Variants in CDH13 observed in about 807,000 individuals in gnomAD.
CDH13 encodes cadherin 13, also known as cadherin-13.
CDH13 carries 24 observed loss-of-function variants against 63.8 expected under a neutral mutation model. That is an observed-to-expected ratio of 0.38 (90% CI 0.27 to 0.53). The LOEUF (loss-of-function observed/expected upper bound fraction) is 0.53, where lower values mean the gene tolerates loss of function less well. Ranked by LOEUF, CDH13 falls within the 20% of genes least tolerant of loss-of-function variation. CDH13 has a pLI of 0.85. For synonymous variants in CDH13, 503 were observed against 355.3 expected, an observed-to-expected ratio of 1.42 and a Z score of -4.67; for missense variants, 1,049 against 903.1, an observed-to-expected ratio of 1.16 and a Z score of -2.07.
intron 4 of CDH13, among the ~76,000 whole-genome samples, chr16:83,208,476 T>C (rs2039244454): frequency 6.6e-6 from 1 of 152,184 alleles, no homozygotes. Flanking sequence ...CAGTGTTTTT[T>C]TTTTTCCTAT....
At chr16:83,383,432 T>G (rs769223028) in intron 6 of CDH13, among the ~76,000 whole-genome samples, 5 of 152,126 alleles carry the variant, frequency 3.3e-5, no homozygotes, top group Non-Finnish European at 7.4e-5. Context: ...AGACCTCAAC[T>G]CACAAGCCTT....
chr16:83,387,490 G>A (rs1291712223), intron 6 of CDH13, among the ~76,000 whole-genome samples: 3 of 152,200 alleles, frequency 2.0e-5, no homozygotes, highest in African/African-American at 7.2e-5. Flanking sequence ...ATTATACACA[G>A]AGGATTGTCA....
At chr16:82,855,028 C>G (rs1477652462) in intron 1 of CDH13, among the ~76,000 whole-genome samples, 1 of 152,162 alleles carries the variant, frequency 6.6e-6, no homozygotes, top group Admixed American at 6.5e-5. Flanking sequence ...CACTAAGTCA[C>G]CCATGGCCCA....
In CDH13 at chr16:82,960,309, G is replaced by C. The variant is rs181971437; in HGVS notation, c.158-71701G>C. On this transcript the variant is annotated intron_variant, in intron 2 of 13. Coordinates refer to ENST00000567109, the MANE Select transcript of CDH13 (RefSeq NM_001257.5). ...AAATTGGGAGAAAAGATTCAAGGAG[G>C]ATTTCTGTGCTTTGGGCTTGAGGAT... Among the ~76,000 whole-genome samples, 258 of 152,254 alleles carry C rather than the reference G, an allele frequency of 1.7e-3. 1 individual carries two copies. The highest frequency in any genetic ancestry group is 3.4e-3 in the Middle Eastern group (1 of 294).
chr16:83,030,868 A>G lies in CDH13; in HGVS notation c.158-1142A>G, dbSNP rs181778047. ...CACCCTTCCCTTCTAGATCCCCACCATTCTAGATTCCCACCATCCCTGCCC... is the reference window on the plus strand; with the variant it reads ...CACCCTTCCCTTCTAGATCCCCACCGTTCTAGATTCCCACCATCCCTGCCC... On this transcript the variant is annotated intron_variant, in intron 2 of 13. Coordinates refer to ENST00000567109, the MANE Select transcript of CDH13 (RefSeq NM_001257.5). 3.0e-3 allele frequency among the ~76,000 whole-genome samples: 456 copies of G among 151,826 alleles called. 2 individuals are homozygous for G. The highest frequency in any genetic ancestry group is 0.019 in the South Asian group (89 of 4,788).
chr16:83,145,350 A>G, intron 4 of CDH13, among the ~76,000 whole-genome samples: 1 of 152,342 alleles, frequency 6.6e-6, no homozygotes. Flanking sequence ...TGACTCTGCC[A>G]AGCTTAATGA....
At chr16:83,010,885 C>G (rs191124882) in intron 2 of CDH13, among the ~76,000 whole-genome samples, 15 of 152,118 alleles carry the variant, frequency 9.9e-5, no homozygotes, top group Non-Finnish European at 1.8e-4. Context: ...TTCTTTAAGG[C>G]GAAACTTAAA....
intron 2 of CDH13, among the ~76,000 whole-genome samples, chr16:82,865,444 G>T (rs532129594): frequency 7.2e-5 from 11 of 152,208 alleles, no homozygotes; most frequent in Non-Finnish European, 1.3e-4. Context: ...CTCAATTCTT[G>T]ACTTCCGTGC....
At chr16:83,137,639 G>C (rs1014760974) in intron 4 of CDH13, among the ~76,000 whole-genome samples, 2 of 152,156 alleles carry the variant, frequency 1.3e-5, no homozygotes, top group African/African-American at 4.8e-5. Context: ...AGCAGAAAAA[G>C]CCAACTTCGG....
At chr16:83,344,825 A>G (rs1483366239) in intron 5 of CDH13, 37 bp from the exon 6 acceptor site, 2 of 1,608,482 alleles carry the variant, frequency 1.2e-6, no homozygotes, top group African/African-American at 1.3e-5. Context: ...TAATGAATTA[A>G]TATCTTCTTT....
rs376227135 is a variant in CDH13 at position 83,223,925 on chromosome 16, G to A, written c.636+6428G>A. On this transcript the variant is annotated intron_variant, in intron 5 of 13. Transcript: ENST00000567109. ...TAGTGGTGGTTTGTAAGATTTTGCT[G>A]CACCCATCACACGAGCAGTATACAC... 3.7e-4 allele frequency among the ~76,000 whole-genome samples: 57 copies of A among 152,192 alleles called. 3 individuals are homozygous for A. Among genetic ancestry groups the A allele is most frequent in the African/African-American group, 1.3e-3 (54 of 41,504 alleles).
chr16:83,684,026 C>G (rs1380516559), intron 10 of CDH13, among the ~76,000 whole-genome samples: 3 of 152,120 alleles, frequency 2.0e-5, no homozygotes, highest in African/African-American at 7.2e-5. Flanking sequence ...TGATGATATT[C>G]GAGTATCTCT....
intron 3 of CDH13, among the ~76,000 whole-genome samples, chr16:83,105,030 G>C (rs79569167): frequency 0.014 from 2,051 of 151,900 alleles, 37 homozygotes; most frequent in African/African-American, 0.045. Context: ...TTTAAGTTCC[G>C]GGGTACACGC....
chr16:82,666,715 G>A (rs1346081172), intron 1 of CDH13, among the ~76,000 whole-genome samples: 2 of 152,202 alleles, frequency 1.3e-5, no homozygotes, highest in African/African-American at 2.4e-5. Context: ...CAATGTAAAG[G>A]TAGTCCTGTT....
At chr16:83,202,895 G>T (rs1320428858) in intron 4 of CDH13, among the ~76,000 whole-genome samples, 2 of 152,162 alleles carry the variant, frequency 1.3e-5, no homozygotes, top group Admixed American at 1.3e-4. Flanking sequence ...GAAGACTCCA[G>T]AAGTGGGGAG....
intron 11 of CDH13, among the ~76,000 whole-genome samples, chr16:83,756,291 A>C (rs1217011453): frequency 6.6e-6 from 1 of 152,264 alleles, no homozygotes; most frequent in Non-Finnish European, 1.5e-5. Context: ...TAAATATTTC[A>C]AGTAATATTA....
intron 3 of CDH13, among the ~76,000 whole-genome samples, chr16:83,117,835 T>C (rs998644532): frequency 6.6e-6 from 1 of 151,320 alleles, no homozygotes; most frequent in African/African-American, 2.4e-5. Context: ...TTATTTCTGA[T>C]ATGTGTTCTT....
chr16:82,961,682 A>C (rs112193909), intron 2 of CDH13, among the ~76,000 whole-genome samples: 14 of 151,934 alleles, frequency 9.2e-5, no homozygotes, highest in African/African-American at 3.4e-4. Context: ...AAAGTTACCC[A>C]TGCTATTCCA....
chr16:82,635,862 T>C lies in CDH13; in HGVS notation c.45+8725T>C, dbSNP rs145674623. On this transcript the variant is annotated intron_variant, in intron 1 of 13. Transcript: ENST00000567109. ...CGTGATAGTGAGTTCTCACAAGACA[T>C]GGTTATGTGAAAGTGTATAGCACTT... 2.9e-3 allele frequency among the ~76,000 whole-genome samples: 437 copies of C among 152,216 alleles called. 3 individuals are homozygous for C. Among genetic ancestry groups the C allele is most frequent in the African/African-American group, 9.9e-3 (412 of 41,540 alleles).
Sources: allele counts gnomAD v4.1 joint callset (sites outside exome capture counted in the v4.1 genomes callset), GRCh38; gene constraint gnomAD v4.1.1; transcripts MANE v1.5; gene names NCBI Gene and HGNC (gene_info 2026-07-23, HGNC 2026-07-21).